The following CYP4A22 variants were observed in gnomAD, a reference collection of about 807,000 sequenced individuals.
CYP4A22 encodes the protein cytochrome P450 4A22.
CYP4A22 carries 46 observed loss-of-function variants against 56.2 expected under a neutral mutation model. That is an observed-to-expected ratio of 0.82 (90% CI 0.65 to 1.05). CYP4A22 has a LOEUF of 1.05. Ranked by LOEUF, CYP4A22 falls within the 50% of genes least tolerant of loss-of-function variation. The pLI, the probability that CYP4A22 is intolerant of heterozygous loss-of-function variation, is 0.00. For missense variants in CYP4A22, 541 were observed against 645.9 expected (o/e 0.84, Z 1.76); for synonymous variants, 193 against 251.1 (o/e 0.77, Z 2.19).
chr1:47,145,186 G>C lies in CYP4A22; in HGVS notation c.1222+216G>C, dbSNP rs1334105265. Among the ~76,000 whole-genome samples the C allele has an allele frequency of 2.0e-5, 3 of 152,246 alleles. No individual in the cohort carries two copies. In the East Asian group the frequency reaches 5.8e-4, roughly 29 times the overall value. On this transcript the variant is annotated intron_variant, in intron 9 of 11. Transcript: ENST00000371891. ...GAAATAAATGTTAATCTCTGAATGT[G>C]GCCTTGGGTCAGTAACTGTAAAATC... is the stretch of plus-strand genomic sequence containing the variant.
At position 47,140,841 on chromosome 1, in the gene CYP4A22, G is replaced by C; in HGVS notation, c.257G>C (p.Cys86Ser). 1.2e-6 allele frequency: 2 copies of C among 1,614,184 alleles called. No homozygotes were observed. Among genetic ancestry groups the C allele is most frequent in the Non-Finnish European group, 1.7e-6 (2 of 1,180,024 alleles). Residue 86 changes from cysteine (C) to serine (S), a missense_variant, in exon 2 of 12, where the codon TGT (cysteine) becomes TCT (serine). Coordinates refer to ENST00000371891, the MANE Select transcript of CYP4A22 (RefSeq NM_001010969.4). ...CGGGTGAAGACATTCCCAAGTGCCT[G>C]TCCTTATTGGATATGGGGAGGCAAA... is the stretch of plus-strand genomic sequence containing the variant. ...QERVKTFPSACPYWIWGGKVR... is the reference protein window; with the variant it reads ...QERVKTFPSASPYWIWGGKVR...
chr1:47,142,374 T>G, intron 4 of CYP4A22, 139 bp downstream of exon 4: 2 of 1,345,542 alleles, frequency 1.5e-6, no homozygotes, highest in South Asian at 3.6e-5. Context: ...GCTGTGAGAG[T>G]AGAGGGTTCC....
At chr1:47,145,151 G>A (rs2405598) in intron 9 of CYP4A22, among the ~76,000 whole-genome samples, 181 bp downstream of exon 9, 20 of 152,206 alleles carry the variant, frequency 1.3e-4, no homozygotes, top group Admixed American at 6.5e-4. Flanking sequence ...TGAACCCACC[G>A]AAAGTTCAAG....
At chr1:47,141,510 C>T (rs1254926528) in intron 2 of CYP4A22, 61 bp from the exon 3 acceptor site, 14 of 1,575,490 alleles carry the variant, frequency 8.9e-6, no homozygotes, top group Non-Finnish European at 9.6e-6. Context: ...ACTGATGCTG[C>T]CTCTGAGACT....
intron 11 of CYP4A22, 165 bp downstream of exon 11, chr1:47,146,318 A>C (rs1440575349): frequency 9.2e-6 from 14 of 1,519,312 alleles, no homozygotes; most frequent in African/African-American, 1.4e-5. Context: ...CTCTGTGTAC[A>C]AAAGGAAGGT....
At chr1:47,142,336 A>G in intron 4 of CYP4A22, 101 bp downstream of exon 4, 2 of 1,480,672 alleles carry the variant, frequency 1.4e-6, no homozygotes, top group South Asian at 1.4e-5. Context: ...ATAGACATAG[A>G]CACATGGAAC....
rs1360261398 is a variant in CYP4A22, at chr1:47,143,932, CT to C, written c.790+18del. 3 of 1,599,814 alleles carry C rather than the reference CT, an allele frequency of 1.9e-6. No individual in the cohort carries two copies. The Admixed American group carries it at 5.1e-5, about 27-fold the overall frequency. On this transcript the variant is annotated intron_variant, in intron 6 of 11. Transcript: ENST00000371891. ...CAGCACACAGGTTCTGTCTCTTCCT[CT>C]TGTCTCCCAGCCTTTCCCAGGCACA...
At position 47,142,096 on chromosome 1, in the gene CYP4A22, T is replaced by C. The variant is rs748774551; in HGVS notation, c.383-12T>C. Reference sequence around the variant, plus strand: ...TGATACACACACATACACATATTCGTGTCTACCTTAGGGTACGGCTTGCTC... The same window carrying C: ...TGATACACACACATACACATATTCGCGTCTACCTTAGGGTACGGCTTGCTC... On this transcript the variant is annotated splice_polypyrimidine_tract_variant and intron_variant, in intron 3 of 11. Coordinates refer to ENST00000371891, the MANE Select transcript of CYP4A22 (RefSeq NM_001010969.4). The C allele has an allele frequency of 5.6e-6, 9 of 1,610,872 alleles. No individual in the cohort carries two copies. Among genetic ancestry groups the C allele is most frequent in the Non-Finnish European group, 6.8e-6 (8 of 1,178,354 alleles).
rs765861938 is a variant in CYP4A22, at chr1:47,143,864, C to T, written c.738C>T (p.Thr246=). ...FHENDTIYSL[T]SAGRWTHRAC... is the part of the protein sequence containing the mutation. ...AGAATGACACCATCTACAGCCTGAC[C>T]TCTGCTGGCCGCTGGACACACCGCG... Residue 246 remains threonine (T), a synonymous_variant, in exon 6 of 12, where the codon ACC becomes ACT. Coordinates refer to ENST00000371891, the MANE Select transcript of CYP4A22 (RefSeq NM_001010969.4). The T allele has an allele frequency of 1.2e-6, 2 of 1,614,156 alleles. No homozygotes were observed. Among genetic ancestry groups the T allele is most frequent in the African/African-American group, 2.7e-5 (2 of 75,054 alleles).
At chr1:47,148,239 G>C (rs1369272712) in intron 11 of CYP4A22, among the ~76,000 whole-genome samples, 7 of 152,224 alleles carry the variant, frequency 4.6e-5, no homozygotes, top group Non-Finnish European at 8.8e-5. Flanking sequence ...CTCCGCACTG[G>C]AGAACAAGAA....
At chr1:47,142,043 C>T (rs1438450183) in intron 3 of CYP4A22, 65 bp from the exon 4 acceptor site, 2 of 1,538,754 alleles carry the variant, frequency 1.3e-6, no homozygotes, top group Admixed American at 3.8e-5. Context: ...CAAATTGTCA[C>T]CAGTCATCCC....
rs767886913 is a variant in CYP4A22, at chr1:47,148,715, G to A, written c.1478G>A (p.Arg493Gln). 23 of 1,613,904 alleles carry A rather than the reference G, an allele frequency of 1.4e-5. No individual in the cohort carries two copies. The highest frequency in any genetic ancestry group is 9.3e-5 in the African/African-American group (7 of 74,914). Residue 493 changes from arginine to glutamine, a missense_variant, in exon 12 of 12, where the codon CGA (arginine) becomes CAA (glutamine). Arg to Gln is a conservative substitution (Grantham distance 43, BLOSUM62 1). Around this residue, in one of 3 missense-constraint regions of CYP4A22, gnomAD observed 204 missense variants for 258.9 expected, o/e 0.79. Transcript: ENST00000371891. ...DPTRIPIPMARLVLKSKNGIH... is the reference protein window; with the variant it reads ...DPTRIPIPMAQLVLKSKNGIH... ...ACCAGGATCCCCATCCCCATGGCACGACTTGTGTTGAAATCCAAAAATGGA... is the reference window on the plus strand; with the variant it reads ...ACCAGGATCCCCATCCCCATGGCACAACTTGTGTTGAAATCCAAAAATGGA...
Position 47,143,880 on chromosome 1 carries a change from A to ACAC in CYP4A22, c.755_757dup (p.Thr252_His253insPro), listed in dbSNP as rs1557647971. The ACAC allele has an allele frequency of 1.2e-6, 2 of 1,613,878 alleles. No individual in the cohort carries two copies. Among genetic ancestry groups the ACAC allele is most frequent in the Non-Finnish European group, 1.7e-6 (2 of 1,179,874 alleles). On this transcript the variant is annotated inframe_insertion, in exon 6 of 12. Coordinates refer to ENST00000371891, the MANE Select transcript of CYP4A22 (RefSeq NM_001010969.4). The stretch of plus-strand genomic sequence containing the variant: ...CAGCCTGACCTCTGCTGGCCGCTGG[A>ACAC]CACACCGCGCCTGCCAGCTGGCCCA...
chr1:47,146,054 T>C (rs879099553), intron 10 of CYP4A22, 23 bp from the exon 11 acceptor site: 3 of 1,614,234 alleles, frequency 1.9e-6, no homozygotes, highest in Non-Finnish European at 8.5e-7. Context: ...TTAACTATCC[T>C]GGCTCTGGTG....
intron 11 of CYP4A22, 145 bp downstream of exon 11, chr1:47,146,298 G>A (rs968774774): frequency 2.6e-6 from 4 of 1,557,158 alleles, no homozygotes; most frequent in African/African-American, 2.7e-5. Context: ...CAGGCACCTG[G>A]TGTGGGCGTC....
intron 1 of CYP4A22, among the ~76,000 whole-genome samples, 181 bp from the exon 2 acceptor site, chr1:47,140,599 C>T (rs1029688397): frequency 2.6e-5 from 4 of 152,168 alleles, no homozygotes; most frequent in African/African-American, 4.8e-5. Context: ...GGGCTCATAG[C>T]GCTTGGCCTA....
rs540636031 is a variant in CYP4A22, at chr1:47,148,652, C to T, written c.1415C>T (p.Ala472Val). The part of the protein sequence containing the change: ...FAMNQLKVAR[A>V]LTLLRFELLP... ...ATGAACCAGCTGAAGGTGGCCAGGG[C>T]CCTGACCCTGCTCCGCTTTGAGCTG... Residue 472 changes from alanine to valine, a missense_variant, in exon 12 of 12, where the codon GCC (alanine) becomes GTC (valine). By Grantham distance (64) the Ala-to-Val change is moderately conservative. Around this residue, in one of 3 missense-constraint regions of CYP4A22, gnomAD observed 204 missense variants for 258.9 expected, o/e 0.79. Transcript: ENST00000371891. 1.9e-6 allele frequency: 3 copies of T among 1,614,030 alleles called. No homozygotes were observed. Among genetic ancestry groups the T allele is most frequent in the Admixed American group, 1.7e-5 (1 of 60,004 alleles).
At chr1:47,138,900 T>C (rs1003924180) in intron 1 of CYP4A22, among the ~76,000 whole-genome samples, 4 of 152,194 alleles carry the variant, frequency 2.6e-5, no homozygotes, top group African/African-American at 7.2e-5. Flanking sequence ...CAAGGTGCTA[T>C]GAATTGAACA....
intron 11 of CYP4A22, chr1:47,146,830 C>G: frequency 1.0e-6 from 1 of 986,490 alleles, no homozygotes; most frequent in African/African-American, 1.7e-5. Flanking sequence ...CTGTACATGC[C>G]TTGAGATCTT....
Sources: allele counts gnomAD v4.1 joint callset (sites outside exome capture counted in the v4.1 genomes callset), GRCh38; gene constraint gnomAD v4.1.1; regional missense constraint gnomAD v4.1.1; transcripts MANE v1.5; gene names NCBI Gene and HGNC (gene_info 2026-07-23, HGNC 2026-07-21).